Variants in SESTD1 observed in about 807,000 individuals in gnomAD.
SESTD1 encodes SEC14 and spectrin domain containing 1.
A neutral mutation model predicts 101.7 loss-of-function variants in SESTD1; 43 were observed. The observed-to-expected ratio is 0.42, with a 90% CI of 0.33 to 0.55. SESTD1 has a LOEUF of 0.55. Among genes scored for constraint, SESTD1 ranks in the 20% least tolerant of loss-of-function variants. The pLI is 0.07. For synonymous variants in SESTD1, 283 were observed against 286.8 expected (o/e 0.99, Z 0.13); for missense variants, 647 against 815.1 (o/e 0.79, Z 2.51).
chr2:179,123,149 T>C (rs1180678012), intron 12 of SESTD1, among the ~76,000 whole-genome samples: 23 of 152,112 alleles, frequency 1.5e-4, no homozygotes. Flanking sequence ...CTTCCTGCTG[T>C]AGAAAAATTC....
rs187396870 is a variant in SESTD1 at position 179,255,763 on chromosome 2, G to C, written c.-26+8736C>G. Among the ~76,000 whole-genome samples, 275 of 152,348 alleles carry C rather than the reference G, an allele frequency of 1.8e-3. 3 individuals carry two copies. Among genetic ancestry groups the C allele is most frequent in the African/African-American group, 6.4e-3 (266 of 41,582 alleles). On this transcript the variant is annotated intron_variant, in intron 1 of 17. Coordinates refer to ENST00000428443, the MANE Select transcript of SESTD1 (RefSeq NM_178123.5). ...ATGAAACAGCCTTCTATTAGACAAA[G>C]ATGTCATCTAGGACTTTCATAGCAA...
At chr2:179,116,924 TTTCA>T in intron 14 of SESTD1, 134 bp from the exon 15 acceptor site, 1 of 1,212,568 alleles carries the variant, frequency 8.2e-7, no homozygotes, top group Non-Finnish European at 1.1e-6. Context: ...TAAAAGCTTA[TTTCA>T]TTCAATGATA....
intron 2 of SESTD1, among the ~76,000 whole-genome samples, chr2:179,185,550 A>G (rs2046201979): frequency 7.4e-6 from 1 of 135,134 alleles, no homozygotes; most frequent in Non-Finnish European, 1.5e-5. Flanking sequence ...TATGATATGT[A>G]CATATGTTAT....
At chr2:179,237,589 A>G (rs1044325744) in intron 1 of SESTD1, among the ~76,000 whole-genome samples, 54 of 152,174 alleles carry the variant, frequency 3.5e-4, no homozygotes, top group African/African-American at 1.3e-3. Flanking sequence ...CTAAGTTTGG[A>G]GATAATTTTA....
intron 15 of SESTD1, among the ~76,000 whole-genome samples, chr2:179,115,674 G>A (rs1559096424): frequency 6.6e-6 from 1 of 152,132 alleles, no homozygotes; most frequent in Non-Finnish European, 1.5e-5. Context: ...CTTCAGCCCA[G>A]GAGTTTGAGG....
chr2:179,243,925 A>T (rs532369853), intron 1 of SESTD1, among the ~76,000 whole-genome samples: 153 of 142,552 alleles, frequency 1.1e-3, no homozygotes, highest in African/African-American at 3.9e-3. Context: ...AATTATTAAA[A>T]ATATATATAT....
intron 5 of SESTD1, among the ~76,000 whole-genome samples, chr2:179,152,082 TG>T (rs2105451231): frequency 6.6e-6 from 1 of 152,116 alleles, no homozygotes; most frequent in East Asian, 1.9e-4. Context: ...AATACATCTA[TG>T]GAAGAAAGAT....
intron 2 of SESTD1, 112 bp downstream of exon 2, chr2:179,191,675 C>T (rs1341987949): frequency 1.2e-5 from 10 of 868,218 alleles, no homozygotes; most frequent in East Asian, 5.3e-5. Context: ...CTTAGAAATA[C>T]CTTTTAAACA....
chr2:179,143,551 G>C, intron 9 of SESTD1, 41 bp downstream of exon 9: 3 of 1,558,346 alleles, frequency 1.9e-6, no homozygotes, highest in Non-Finnish European at 2.7e-6. Flanking sequence ...GAAATTATAA[G>C]GAATTAAAAA....
intron 1 of SESTD1, among the ~76,000 whole-genome samples, chr2:179,241,125 G>A (rs544751761): frequency 6.6e-6 from 1 of 152,052 alleles, no homozygotes; most frequent in South Asian, 2.1e-4. Context: ...CACAAACAAA[G>A]GAAATCAATA....
intron 1 of SESTD1, among the ~76,000 whole-genome samples, chr2:179,245,441 G>A (rs953917601): frequency 4.7e-5 from 7 of 149,954 alleles, no homozygotes; most frequent in African/African-American, 7.4e-5. Flanking sequence ...ACTTGAACCC[G>A]GGAGAGGGAG....
intron 1 of SESTD1, among the ~76,000 whole-genome samples, chr2:179,246,221 C>T: frequency 8.0e-6 from 1 of 125,442 alleles, no homozygotes; most frequent in East Asian, 2.4e-4. Flanking sequence ...TGCCACTGCA[C>T]TGCGGCCTGG....
intron 16 of SESTD1, among the ~76,000 whole-genome samples, chr2:179,113,486 C>T (rs2044556961): frequency 6.6e-6 from 1 of 152,060 alleles, no homozygotes; most frequent in African/African-American, 2.4e-5. Flanking sequence ...CTAACCATTA[C>T]CATTTAAATT....
chr2:179,116,125 C>T (rs2044627346), intron 15 of SESTD1, among the ~76,000 whole-genome samples: 1 of 151,788 alleles, frequency 6.6e-6, no homozygotes. Context: ...AAGACAAAAA[C>T]TAGCCAGGCG....
chr2:179,216,015 T>C (rs2105521533), intron 1 of SESTD1, among the ~76,000 whole-genome samples: 1 of 134,710 alleles, frequency 7.4e-6, no homozygotes, highest in African/African-American at 2.9e-5. Flanking sequence ...ATATGACAAA[T>C]GCACAGCCAA....
Position 179,254,988 on chromosome 2 carries a change from A to G in SESTD1, c.-26+9511T>C, listed in dbSNP as rs140632742. Among the ~76,000 whole-genome samples, 1,122 of 152,212 alleles carry G rather than the reference A, an allele frequency of 7.4e-3. 9 individuals are homozygous for G. The highest frequency in any genetic ancestry group is 0.01 in the Non-Finnish European group (686 of 68,006). ...CTGTTATGGTGATCTGTGATCAGTGATCTTTGATGTTACTACTGTAATTGT... is the reference window on the plus strand; with the variant it reads ...CTGTTATGGTGATCTGTGATCAGTGGTCTTTGATGTTACTACTGTAATTGT... On this transcript the variant is annotated intron_variant, in intron 1 of 17. Transcript: ENST00000428443.
chr2:179,144,592 C>G (rs1327689136), intron 8 of SESTD1, among the ~76,000 whole-genome samples: 1 of 151,866 alleles, frequency 6.6e-6, no homozygotes, highest in Non-Finnish European at 1.5e-5. Flanking sequence ...GTTTTTGTGA[C>G]TAATATTCAG....
At chr2:179,147,822 T>C (rs773617285) in intron 7 of SESTD1, among the ~76,000 whole-genome samples, 1 of 152,204 alleles carries the variant, frequency 6.6e-6, no homozygotes, top group Admixed American at 6.5e-5. Context: ...GTCACCAACA[T>C]GGGATGTCTT....
Position 179,208,837 on chromosome 2 carries a change from C to A in SESTD1, c.-25-16971G>T, listed in dbSNP as rs77651625. 4.8e-4 allele frequency among the ~76,000 whole-genome samples: 64 copies of A among 134,608 alleles called. 6 individuals carry two copies. In the East Asian group the frequency reaches 0.012, roughly 26 times the overall value. The allele number at this position is 134,608 out of a possible 152,430, so 88.3% of individuals were successfully genotyped here. ...AAAACAAACCAAGGTATTTGGTCAA[C>A]AAATAGCTTGATGAATAGAATAGTA... is the stretch of plus-strand genomic sequence containing the variant. On this transcript the variant is annotated intron_variant, in intron 1 of 17. Coordinates refer to ENST00000428443, the MANE Select transcript of SESTD1 (RefSeq NM_178123.5).
Sources: gnomAD v4.1 joint callset for allele counts (sites outside exome capture counted in the v4.1 genomes callset) on GRCh38, gnomAD v4.1.1 for gene constraint, MANE v1.5 for transcripts, NCBI Gene and HGNC (gene_info 2026-07-23, HGNC 2026-07-21) for gene names.